Variants in GALNTL6 observed in about 807,000 individuals in gnomAD.
GALNTL6 encodes the protein polypeptide N-acetylgalactosaminyltransferase like 6.
Under a neutral mutation model 73.7 loss-of-function variants are expected in GALNTL6, and 46 were observed. That is an observed-to-expected ratio of 0.62 (90% confidence interval 0.49 to 0.80). The LOEUF is 0.80. Among genes scored for constraint, GALNTL6 ranks in the 30% least tolerant of loss-of-function variants. GALNTL6 has a pLI of 0.00. For missense variants in GALNTL6, 604 were observed against 755.0 expected (o/e 0.80, Z 2.34); for synonymous variants, 259 against 263.7 (o/e 0.98, Z 0.17).
At chr4:172,309,980 A>G (rs1396664906) in intron 3 of GALNTL6, among the ~76,000 whole-genome samples, 1 of 152,160 alleles carries the variant, frequency 6.6e-6, no homozygotes, top group African/African-American at 2.4e-5. Context: ...ATATAAAAAT[A>G]TCAATTATAT....
At chr4:172,723,935 A>G (rs1456891172) in intron 5 of GALNTL6, among the ~76,000 whole-genome samples, 1 of 152,120 alleles carries the variant, frequency 6.6e-6, no homozygotes, top group Non-Finnish European at 1.5e-5. Flanking sequence ...AGTGAACACG[A>G]GAGATTTATA....
intron 5 of GALNTL6, among the ~76,000 whole-genome samples, chr4:172,498,541 T>C (rs1734150352): frequency 6.6e-6 from 1 of 152,186 alleles, no homozygotes; most frequent in African/African-American, 2.4e-5. Context: ...ATATATCCAT[T>C]TGGGAGGGAA....
chr4:172,742,562 G>A (rs970906967), intron 5 of GALNTL6, among the ~76,000 whole-genome samples: 1 of 151,894 alleles, frequency 6.6e-6, no homozygotes, highest in Non-Finnish European at 1.5e-5. Context: ...CAAAGTTACA[G>A]GGATAGGTAA....
At chr4:172,875,375 A>G (rs905499279) in intron 7 of GALNTL6, among the ~76,000 whole-genome samples, 2 of 152,256 alleles carry the variant, frequency 1.3e-5, no homozygotes, top group Non-Finnish European at 2.9e-5. Flanking sequence ...GACTAGGGGC[A>G]TAATTTTGGA....
intron 5 of GALNTL6, among the ~76,000 whole-genome samples, chr4:172,558,979 T>G (rs1489593234): frequency 6.6e-6 from 1 of 151,962 alleles, no homozygotes; most frequent in Non-Finnish European, 1.5e-5. Context: ...TCAAACAAAT[T>G]GTTTGAGATT....
At chr4:172,775,735 T>C (rs1463730897) in intron 5 of GALNTL6, among the ~76,000 whole-genome samples, 1 of 152,206 alleles carries the variant, frequency 6.6e-6, no homozygotes, top group African/African-American at 2.4e-5. Context: ...TTCTAACCAA[T>C]AGACTATGGC....
intron 5 of GALNTL6, among the ~76,000 whole-genome samples, chr4:172,724,934 C>T (rs1735709058): frequency 6.6e-6 from 1 of 152,114 alleles, no homozygotes; most frequent in African/African-American, 2.4e-5. Context: ...AAGATATCAC[C>T]TGGGCTCTCC....
At chr4:172,421,360 A>G (rs1398914396) in intron 5 of GALNTL6, among the ~76,000 whole-genome samples, 1 of 152,086 alleles carries the variant, frequency 6.6e-6, no homozygotes. Context: ...ATTGGTGCTC[A>G]GTAATTGATA....
chr4:171,990,778 CTT>C (rs1740309660), intron 2 of GALNTL6, among the ~76,000 whole-genome samples: 1 of 152,078 alleles, frequency 6.6e-6, no homozygotes, highest in Non-Finnish European at 1.5e-5. Flanking sequence ...GTTACACAAA[CTT>C]AGGAAATTAA....
intron 3 of GALNTL6, among the ~76,000 whole-genome samples, chr4:172,303,586 A>G (rs1477715061): frequency 6.6e-6 from 1 of 152,218 alleles, no homozygotes; most frequent in Non-Finnish European, 1.5e-5. Flanking sequence ...AAGGCTCACA[A>G]TATAATGTTA....
rs1401605605 is a variant in GALNTL6 at position 172,716,241 on chromosome 4, T to A, written c.554-93120T>A. On this transcript the variant is annotated intron_variant, in intron 5 of 12. Coordinates refer to ENST00000506823, the MANE Select transcript of GALNTL6 (RefSeq NM_001034845.3). ...AACCCACACAACAATAGCTAGCTAGTCAGATGTCCATAGTCCCTGGGCTAA... is the reference window on the plus strand; with the variant it reads ...AACCCACACAACAATAGCTAGCTAGACAGATGTCCATAGTCCCTGGGCTAA... Among the ~76,000 whole-genome samples the A allele has an allele frequency of 2.0e-5, 3 of 152,230 alleles. No individual in the cohort carries two copies. The East Asian group carries it at 5.8e-4, about 29-fold the overall frequency.
intron 2 of GALNTL6, among the ~76,000 whole-genome samples, chr4:172,032,001 G>A (rs1263171649): frequency 6.6e-6 from 1 of 152,050 alleles, no homozygotes; most frequent in African/African-American, 2.4e-5. Flanking sequence ...GAGCATTTAA[G>A]TCAGCATTAC....
At chr4:172,245,977 T>G (rs1737643865) in intron 3 of GALNTL6, among the ~76,000 whole-genome samples, 1 of 152,098 alleles carries the variant, frequency 6.6e-6, no homozygotes, top group Admixed American at 6.6e-5. Context: ...AAATATAACA[T>G]AGAGCATCCT....
At chr4:172,948,389 C>T (rs1472734283) in intron 9 of GALNTL6, among the ~76,000 whole-genome samples, 1 of 152,086 alleles carries the variant, frequency 6.6e-6, no homozygotes, top group Non-Finnish European at 1.5e-5. Flanking sequence ...CAACTGCTTG[C>T]TTTGGAGTGG....
At chr4:172,574,581 A>C (rs2110957343) in intron 5 of GALNTL6, among the ~76,000 whole-genome samples, 1 of 151,964 alleles carries the variant, frequency 6.6e-6, no homozygotes, top group Non-Finnish European at 1.5e-5. Flanking sequence ...ATATGAAAAT[A>C]AGATTGGGGA....
At chr4:172,193,283 C>T (rs989940483) in intron 2 of GALNTL6, among the ~76,000 whole-genome samples, 5 of 152,158 alleles carry the variant, frequency 3.3e-5, no homozygotes, top group Non-Finnish European at 5.9e-5. Context: ...AGCATCAGGT[C>T]GGTGCCCCTC....
At chr4:171,832,942 A>G (rs1385579433) in intron 2 of GALNTL6, among the ~76,000 whole-genome samples, 1 of 151,802 alleles carries the variant, frequency 6.6e-6, no homozygotes, top group Non-Finnish European at 1.5e-5. Context: ...TTGATTATAC[A>G]TCCTGGAAGT....
At chr4:171,999,897 C>T (rs1223678312) in intron 2 of GALNTL6, among the ~76,000 whole-genome samples, 1 of 152,120 alleles carries the variant, frequency 6.6e-6, no homozygotes. Context: ...CTAACATAGC[C>T]TAACACCGAT....
chr4:172,112,364 T>C (rs373089155), intron 2 of GALNTL6, among the ~76,000 whole-genome samples: 1 of 152,070 alleles, frequency 6.6e-6, no homozygotes, highest in Non-Finnish European at 1.5e-5. Context: ...TGTCCATGTG[T>C]AGGTTTTTTT....
Sources: gnomAD v4.1 joint callset for allele counts (sites outside exome capture counted in the v4.1 genomes callset) on GRCh38, gnomAD v4.1.1 for gene constraint, MANE v1.5 for transcripts, NCBI Gene and HGNC (gene_info 2026-07-23, HGNC 2026-07-21) for gene names.